POLE: variants seen among roughly 807,000 people sequenced by gnomAD.
POLE encodes DNA polymerase epsilon, catalytic subunit, also known as DNA polymerase epsilon catalytic subunit A.
In POLE, 188 loss-of-function variants were observed where a neutral mutation model predicts 279.2. The ratio of observed to expected loss-of-function variants is 0.67; its 90% confidence interval spans 0.60 to 0.76. The LOEUF (loss-of-function observed/expected upper bound fraction) is 0.76. POLE is among the 30% of genes least tolerant of loss of function. POLE has a pLI of 0.00. For synonymous variants in POLE, 1,214 were observed against 1,172.5 expected, an observed-to-expected ratio of 1.04 and a Z score of -0.72; for missense variants, 2,703 against 3,016.7, an observed-to-expected ratio of 0.90 and a Z score of 2.44.
At chr12:132,641,075 A>T in intron 39 of POLE, 1 of 456,622 alleles carries the variant, frequency 2.2e-6, no homozygotes, top group Non-Finnish European at 4.4e-6. Flanking sequence ...CAGTTTCCTT[A>T]TCTGAAAAAC....
rs1310794398 is a variant in POLE, at chr12:132,664,318, T to C, written c.2561+52A>G. 6.4e-7 allele frequency: 1 copy of C among 1,553,372 alleles called. No homozygotes were observed. Among genetic ancestry groups the C allele is most frequent in the East Asian group, 2.2e-5 (1 of 44,580 alleles). Reference sequence around the variant, plus strand: ...GCCTTCCCTCCTTCCTTCCTGCCCATGCTTGCCCCCAGGACCTGCTCCCAG... The same window carrying C: ...GCCTTCCCTCCTTCCTTCCTGCCCACGCTTGCCCCCAGGACCTGCTCCCAG... On this transcript the variant is annotated intron_variant, in intron 22 of 48. Coordinates refer to ENST00000320574, the MANE Select transcript of POLE (RefSeq NM_006231.4). The surrounding 1 kb of genome is among the most constrained non-coding windows in gnomAD (Gnocchi z 5.3).
At chr12:132,651,654 C>T (rs1187299185) in intron 29 of POLE, among the ~76,000 whole-genome samples, 6 of 152,224 alleles carry the variant, frequency 3.9e-5, no homozygotes, top group African/African-American at 9.6e-5. Context: ...GTGACTTGCC[C>T]GTAATGAACA....
rs779747873 is a variant in POLE at position 132,668,735 on chromosome 12, G to A, written c.1926C>T (p.Pro642=). The A allele has an allele frequency of 7.4e-6, 12 of 1,613,842 alleles. No individual in the cohort carries two copies. The highest frequency in any genetic ancestry group is 1.0e-5 in the Non-Finnish European group (12 of 1,179,838). Residue 642 remains proline (P), a splice_region_variant and synonymous_variant, in exon 18 of 49, where the codon CCC becomes CCT. Transcript: ENST00000320574. The surrounding 1 kb of genome is among the most constrained non-coding windows in gnomAD (Gnocchi z 4.0). ...AGGTGGCTTCGTCCACCATGGCAGA[G>A]GGCTGGGAGGGGTGAGAAAGCACTT... is the stretch of plus-strand genomic sequence containing the variant. ...PNIILTNRLQ[P]SAMVDEATCA...
At chr12:132,673,415 T>A in intron 13 of POLE, 138 bp from the exon 14 acceptor site, 1 of 1,199,370 alleles carries the variant, frequency 8.3e-7, no homozygotes, top group East Asian at 2.3e-5. Flanking sequence ...AAAACACGTG[T>A]GTCCCGGAGA....
At chr12:132,663,053 A>AGCAAACACAGCCCATCAGCAAC in intron 23 of POLE, among the ~76,000 whole-genome samples, 1 of 152,374 alleles carries the variant, frequency 6.6e-6, no homozygotes, top group East Asian at 1.9e-4. Context: ...GCGGCCCACC[A>AGCAAACACAGCCCATCAGCAAC]GCAAACACAG....
At chr12:132,673,018 G>C in intron 14 of POLE, 146 bp downstream of exon 14, 1 of 750,298 alleles carries the variant, frequency 1.3e-6, no homozygotes, top group East Asian at 2.7e-5. Flanking sequence ...ATTCCCAAAG[G>C]ACATCCCTGA....
chr12:132,668,912 C>A lies in POLE; in HGVS notation c.1822G>T (p.Ala608Ser). 6.2e-7 allele frequency: 1 copy of A among 1,614,130 alleles called. No individual in the cohort carries two copies. The highest frequency in any genetic ancestry group is 8.5e-7 in the Non-Finnish European group (1 of 1,180,012). ...CGGCTGGGAACGTCCTTCAGGGAGG[C>A]AAGCTTGCTCTTAATCTCATCACAC... The part of the protein sequence containing the change: ...EVCDEIKSKL[A>S]SLKDVPSRIE... The change falls in exon 17 of 49, where the codon GCC becomes TCC. Residue 608 changes from alanine (A) to serine (S), a missense_variant. Coordinates refer to ENST00000320574, the MANE Select transcript of POLE (RefSeq NM_006231.4). The surrounding 1 kb of genome is among the most constrained non-coding windows in gnomAD (Gnocchi z 4.0).
chr12:132,686,593 G>C (rs2043274541), intron 1 of POLE, among the ~76,000 whole-genome samples: 1 of 151,990 alleles, frequency 6.6e-6, no homozygotes, highest in Non-Finnish European at 1.5e-5. Context: ...AAACTAGCCG[G>C]GCCTGGTGGC....
Position 132,649,679 on chromosome 12 carries a change from G to A in POLE, c.3793C>T (p.Gln1265Ter). Reference sequence around the variant, plus strand: ...AGTATCACAGCTGTGTGCCTTACCTGGCTGGTTCCCAGGGCGGGAGGCTGC... The same window carrying A: ...AGTATCACAGCTGTGTGCCTTACCTAGCTGGTTCCCAGGGCGGGAGGCTGC... ...LGQPPALGTSQEEWLVWLRFH... is the reference protein window; with the variant it reads ...LGQPPALGTS The change falls in exon 30 of 49, where the codon CAG becomes TAG. Residue 1265 changes from glutamine to a stop codon, truncating the protein, a stop_gained and splice_region_variant. Coordinates refer to ENST00000320574, the MANE Select transcript of POLE (RefSeq NM_006231.4). LOFTEE classifies it high-confidence loss of function. The A allele has an allele frequency of 6.2e-7, 1 of 1,613,838 alleles. No individual in the cohort carries two copies. Among genetic ancestry groups the A allele is most frequent in the Non-Finnish European group, 8.5e-7 (1 of 1,179,964 alleles).
chr12:132,652,822 G>C (rs2042452397), intron 29 of POLE, among the ~76,000 whole-genome samples: 1 of 152,016 alleles, frequency 6.6e-6, no homozygotes, highest in Non-Finnish European at 1.5e-5. Context: ...CCATGATAGT[G>C]TGTCTCGTTA....
At chr12:132,680,574 G>A in intron 3 of POLE, 33 bp downstream of exon 3, 1 of 1,531,434 alleles carries the variant, frequency 6.5e-7, no homozygotes, top group Non-Finnish European at 9.1e-7. Flanking sequence ...ACCCATAAAA[G>A]TGGGTTTTAG....
rs2043031990 is a variant in POLE, at chr12:132,675,683, GC to G, written c.1106+51del. On this transcript the variant is annotated intron_variant, in intron 11 of 48. Coordinates refer to ENST00000320574, the MANE Select transcript of POLE (RefSeq NM_006231.4). This position sits in a 1 kb window ranked among gnomAD's most constrained non-coding sequence, Gnocchi z 4.3. ...GGGAAGCGCCCCTGCACCACGCAACGCCCTCCCTCTCAAATGCTGCCCAGTT... is the reference window on the plus strand; with the variant it reads ...GGGAAGCGCCCCTGCACCACGCAACGCCTCCCTCTCAAATGCTGCCCAGTT... 1 of 1,572,040 alleles carries G rather than the reference GC, an allele frequency of 6.4e-7. No homozygotes were observed. The highest frequency in any genetic ancestry group is 1.3e-5 in the African/African-American group (1 of 74,150).
At chr12:132,646,570 A>G (rs1421350426) in intron 32 of POLE, among the ~76,000 whole-genome samples, 1 of 151,044 alleles carries the variant, frequency 6.6e-6, no homozygotes, top group Non-Finnish European at 1.5e-5. Flanking sequence ...CCATGGTTCA[A>G]CCTGTAATCC....
At chr12:132,665,097 T>G (rs1213948272) in intron 21 of POLE, among the ~76,000 whole-genome samples, 1 of 151,890 alleles carries the variant, frequency 6.6e-6, no homozygotes, top group African/African-American at 2.4e-5. Flanking sequence ...CACGCATCAC[T>G]CATGGACACC....
chr12:132,625,070 G>T, intron 47 of POLE, 76 bp from the exon 48 acceptor site: 1 of 1,080,950 alleles, frequency 9.3e-7, no homozygotes, highest in Non-Finnish European at 1.4e-6. Context: ...TCACAGGCTC[G>T]CGAGACACAT....
In POLE at chr12:132,687,337, T is replaced by G; in HGVS notation, c.-22A>C. On this transcript the variant is annotated 5_prime_UTR_variant, in exon 1 of 49. Coordinates refer to ENST00000320574, the MANE Select transcript of POLE (RefSeq NM_006231.4). ...ACATGGAGCCGTTGGCTACCACCTC[T>G]GCTTCAGGGGAGAAATTTGGCGCGC... The G allele has an allele frequency of 2.0e-6, 3 of 1,489,146 alleles. No homozygotes were observed. Among genetic ancestry groups the G allele is most frequent in the Non-Finnish European group, 2.7e-6 (3 of 1,117,120 alleles). The allele number at this position is 1,489,146 out of a possible 1,614,324, so 92.2% of individuals were successfully genotyped here. A position where few individuals can be genotyped will look rare whatever the true frequency, so the allele number is the denominator to read the frequency against.
At position 132,650,259 on chromosome 12, in the gene POLE, C is replaced by T. The variant is rs558748729; in HGVS notation, c.3583-370G>A. 16 of 251,800 alleles carry T rather than the reference C, an allele frequency of 6.4e-5. No homozygotes were observed. In the East Asian group the frequency reaches 7.4e-4, roughly 12 times the overall value. 15.6% of individuals were successfully genotyped at this position (251,800 alleles called of 1,614,324 possible). On this transcript the variant is annotated intron_variant, in intron 29 of 48. Transcript: ENST00000320574. ...TCTCATCCCCACAAATTCTACTTCT[C>T]GAAATCTAGTATAAGTATATCACCT...
chr12:132,676,421 C>T lies in POLE; in HGVS notation c.909+125G>A, dbSNP rs2043052727. ...TGGAGGTCGGAACGGCTTGGTTGCT[C>T]CCATTCCTGGACTAACTCATTATTC... On this transcript the variant is annotated intron_variant, in intron 9 of 48. Transcript: ENST00000320574. The T allele has an allele frequency of 8.0e-6, 6 of 754,396 alleles. No individual in the cohort carries two copies. In the East Asian group the frequency reaches 1.3e-4, roughly 17 times the overall value. 46.7% of individuals were successfully genotyped at this position (754,396 alleles called of 1,614,324 possible). A position where few individuals can be genotyped will look rare whatever the true frequency, so the allele number is the denominator to read the frequency against.
chr12:132,649,204 C>A, intron 31 of POLE, 102 bp downstream of exon 31: 1 of 1,493,488 alleles, frequency 6.7e-7, no homozygotes, highest in East Asian at 2.3e-5. Context: ...AAACTCCAGG[C>A]CCACTCTAAC....
Sources: gnomAD v4.1 joint callset for allele counts (sites outside exome capture counted in the v4.1 genomes callset) on GRCh38, gnomAD v4.1.1 for gene constraint, Gnocchi (gnomAD v3.1) non-coding constraint, MANE v1.5 for transcripts, NCBI Gene and HGNC (gene_info 2026-07-23, HGNC 2026-07-21) for gene names.